The following RABGAP1L variants were observed in gnomAD, a reference collection of about 807,000 sequenced individuals.
RABGAP1L encodes RAB GTPase activating protein 1 like.
Under a neutral mutation model 137.7 loss-of-function variants are expected in RABGAP1L, and 63 were observed. The observed-to-expected ratio is 0.46, with a 90% CI of 0.37 to 0.56. The LOEUF (loss-of-function observed/expected upper bound fraction) is 0.56. RABGAP1L is among the 20% of genes least tolerant of loss of function. The pLI is 0.00. For synonymous variants in RABGAP1L, 431 were observed against 433.7 expected (o/e 0.99, Z 0.08); for missense variants, 1,095 against 1,244.0 (o/e 0.88, Z 1.80).
At chr1:174,908,437 T>G (rs1659476000) in intron 19 of RABGAP1L, among the ~76,000 whole-genome samples, 2 of 151,264 alleles carry the variant, frequency 1.3e-5, no homozygotes, top group Non-Finnish European at 2.9e-5. Context: ...AAAAAAGAAA[T>G]CATATCAAGT....
At chr1:174,597,556 A>T (rs1229510464) in intron 13 of RABGAP1L, among the ~76,000 whole-genome samples, 3 of 149,394 alleles carry the variant, frequency 2.0e-5, no homozygotes, top group African/African-American at 7.4e-5. Context: ...ATCAGTTGTA[A>T]TTTTTTTTTA....
At chr1:174,689,802 C>A (rs1185394677) in intron 15 of RABGAP1L, among the ~76,000 whole-genome samples, 1 of 152,112 alleles carries the variant, frequency 6.6e-6, no homozygotes, top group Non-Finnish European at 1.5e-5. Flanking sequence ...TCAGTGAACA[C>A]CATCAGCCCC....
intron 18 of RABGAP1L, among the ~76,000 whole-genome samples, chr1:174,796,303 G>A (rs1278142485): frequency 1.3e-5 from 2 of 152,140 alleles, no homozygotes; most frequent in African/African-American, 2.4e-5. Context: ...CATTTCAAAA[G>A]AAGAATGTTC....
intron 13 of RABGAP1L, among the ~76,000 whole-genome samples, chr1:174,541,585 G>A (rs544852128): frequency 6.6e-6 from 1 of 152,194 alleles, no homozygotes; most frequent in South Asian, 2.1e-4. Context: ...GACCATCCTG[G>A]CTAACACAGT....
At chr1:174,974,217 C>G (rs1670446071) in intron 21 of RABGAP1L, among the ~76,000 whole-genome samples, 1 of 151,750 alleles carries the variant, frequency 6.6e-6, no homozygotes, top group African/African-American at 2.4e-5. Flanking sequence ...GCCTCGATCT[C>G]CTGACCTCGT....
At chr1:174,192,497 A>G (rs1571462538) in intron 1 of RABGAP1L, among the ~76,000 whole-genome samples, 2 of 151,812 alleles carry the variant, frequency 1.3e-5, no homozygotes, top group East Asian at 1.9e-4. Flanking sequence ...TAAATTTTGT[A>G]TTTTTATTAG....
At chr1:174,827,262 A>C (rs1460623630) in intron 19 of RABGAP1L, among the ~76,000 whole-genome samples, 1 of 152,160 alleles carries the variant, frequency 6.6e-6, no homozygotes, top group Admixed American at 6.5e-5. Context: ...CTCATGGCTT[A>C]GCCTCCTACT....
At chr1:174,926,048 G>A (rs896870402) in intron 19 of RABGAP1L, among the ~76,000 whole-genome samples, 2 of 151,388 alleles carry the variant, frequency 1.3e-5, no homozygotes, top group Non-Finnish European at 2.9e-5. Flanking sequence ...CATTTTGATC[G>A]CCAGTTGTCT....
At chr1:174,914,695 A>G (rs962108561) in intron 19 of RABGAP1L, among the ~76,000 whole-genome samples, 2 of 152,082 alleles carry the variant, frequency 1.3e-5, no homozygotes, top group South Asian at 2.1e-4. Context: ...TATAAGTTAT[A>G]TAGTATAAAA....
chr1:174,407,960 C>T lies in RABGAP1L; in HGVS notation c.1710+13815C>T, dbSNP rs1649471397. Among the ~76,000 whole-genome samples the T allele has an allele frequency of 1.3e-5, 2 of 152,170 alleles. 1 individual carries two copies. Among genetic ancestry groups the T allele is most frequent in the African/African-American group, 4.8e-5 (2 of 41,530 alleles). ...CGGCATTTCAAGCAGATACACTCACCACAATAGCAACCCGAGATGGGGTTG... is the reference window on the plus strand; with the variant it reads ...CGGCATTTCAAGCAGATACACTCACTACAATAGCAACCCGAGATGGGGTTG... On this transcript the variant is annotated intron_variant, in intron 13 of 25. Transcript: ENST00000681986.
intron 14 of RABGAP1L, among the ~76,000 whole-genome samples, chr1:174,654,407 C>A (rs1217312789): frequency 6.6e-6 from 1 of 152,182 alleles, no homozygotes; most frequent in African/African-American, 2.4e-5. Context: ...CATTCTATTT[C>A]TATCACTTAC....
chr1:174,892,542 G>A (rs1656361398), intron 19 of RABGAP1L: 3 of 521,656 alleles, frequency 5.8e-6, no homozygotes, highest in Non-Finnish European at 1.1e-5. Flanking sequence ...AATAGTCTTA[G>A]CTTTGAAAAG....
At chr1:174,206,527 C>T (rs1668513446) in intron 1 of RABGAP1L, among the ~76,000 whole-genome samples, 1 of 152,138 alleles carries the variant, frequency 6.6e-6, no homozygotes. Flanking sequence ...TATGGATCTC[C>T]TACAGTCATT....
intron 19 of RABGAP1L, 132 bp downstream of exon 19, chr1:174,812,092 C>A: frequency 2.4e-6 from 2 of 835,540 alleles, no homozygotes; most frequent in Non-Finnish European, 3.3e-6. Context: ...GAACTGATTT[C>A]TCCCAGATGT....
intron 13 of RABGAP1L, among the ~76,000 whole-genome samples, chr1:174,434,102 T>TACACACACACACAC (rs1400358664): frequency 1.9e-5 from 2 of 102,768 alleles, no homozygotes; most frequent in Non-Finnish European, 3.7e-5. Flanking sequence ...CGCATGCGTG[T>TACACACACACACAC]ACACATACAC....
In RABGAP1L at chr1:174,761,684, A is replaced by G. The variant is rs1404844543; in HGVS notation, c.2211+9330A>G. 6.6e-6 allele frequency among the ~76,000 whole-genome samples: 1 copy of G among 152,164 alleles called. No individual in the cohort carries two copies. Among genetic ancestry groups the G allele is most frequent in the East Asian group, 1.9e-4 (1 of 5,180 alleles). ...AACAGAGGCATTCCTCACTTCCCAG[A>G]CGGTGGAAACTCCCGTTTTTAAAAC... On this transcript the variant is annotated intron_variant, in intron 18 of 25. Coordinates refer to ENST00000681986, the MANE Select transcript of RABGAP1L (RefSeq NM_001366446.1). This position sits in a 1 kb window ranked among gnomAD's most constrained non-coding sequence, Gnocchi z 4.0.
chr1:174,350,108 C>G (rs1328388230), intron 11 of RABGAP1L, among the ~76,000 whole-genome samples: 5 of 141,454 alleles, frequency 3.5e-5, no homozygotes, highest in Admixed American at 3.4e-4. Flanking sequence ...CACCTCCCTC[C>G]CGGACGGCAC....
At position 174,568,392 on chromosome 1, in the gene RABGAP1L, A is replaced by G. The variant is rs181138325; in HGVS notation, c.1711-68983A>G. ...AAACCGTATCAGGATAATAATGATA[A>G]CATCAAAGTATTATTATGAGGATTA... On this transcript the variant is annotated intron_variant, in intron 13 of 25. Coordinates refer to ENST00000681986, the MANE Select transcript of RABGAP1L (RefSeq NM_001366446.1). Among the ~76,000 whole-genome samples the G allele has an allele frequency of 1.1e-4, 17 of 152,326 alleles. No individual in the cohort carries two copies. The East Asian group carries it at 3.1e-3, about 28-fold the overall frequency.
chr1:174,598,784 G>A (rs181551133), intron 13 of RABGAP1L, among the ~76,000 whole-genome samples: 9 of 151,396 alleles, frequency 5.9e-5, no homozygotes, highest in Non-Finnish European at 1.2e-4. Context: ...TTTAGTCTAT[G>A]TGTGTCTTTA....
Sources: gnomAD v4.1 joint callset for allele counts (sites outside exome capture counted in the v4.1 genomes callset) on GRCh38, gnomAD v4.1.1 for gene constraint, Gnocchi (gnomAD v3.1) non-coding constraint, MANE v1.5 for transcripts, NCBI Gene and HGNC (gene_info 2026-07-23, HGNC 2026-07-21) for gene names.